The following MITD1 variants were observed in gnomAD, a reference collection of about 807,000 sequenced individuals.
The protein encoded by MITD1 is microtubule interacting and trafficking domain containing 1.
MITD1 carries 24 observed loss-of-function variants against 34.9 expected under a neutral mutation model. The ratio of observed to expected loss-of-function variants is 0.69; its 90% confidence interval spans 0.50 to 0.97. MITD1 has a LOEUF of 0.97. Among genes scored for constraint, MITD1 ranks in the 50% least tolerant of loss-of-function variants. MITD1 has a pLI of 0.00. For synonymous variants in MITD1, 102 were observed against 101.4 expected (o/e 1.01, Z -0.04); for missense variants, 266 against 294.6 (o/e 0.90, Z 0.71).
intron 5 of MITD1, 36 bp downstream of exon 5, chr2:99,170,501 A>G (rs2093850017): frequency 1.2e-6 from 1 of 814,634 alleles, no homozygotes; most frequent in Non-Finnish European, 2.0e-6. Context: ...AGTATATATC[A>G]ACTGCATAAA....
intron 1 of MITD1, among the ~76,000 whole-genome samples, chr2:99,176,340 T>G (rs1193973437): frequency 1.3e-5 from 2 of 151,534 alleles, no homozygotes; most frequent in Non-Finnish European, 3.0e-5. Flanking sequence ...ATAAACTTTT[T>G]TTTTTTTTTT....
exon 8 of MITD1, chr2:99,162,038 A>C (rs778866407): frequency 1.9e-6 from 3 of 1,614,110 alleles, no homozygotes; most frequent in South Asian, 2.2e-5. Flanking sequence ...TTAAAAAAAC[A>C]GTAAAAAATG....
chr2:99,166,252 G>A (rs953399995), downstream of MITD1, among the ~76,000 whole-genome samples: 1 of 151,812 alleles, frequency 6.6e-6, no homozygotes, highest in Admixed American at 6.6e-5. Context: ...TATTTAAAAT[G>A]TAAGAAGAAT....
intron 1 of MITD1, among the ~76,000 whole-genome samples, chr2:99,177,297 T>G (rs1428742235): frequency 6.6e-6 from 1 of 152,206 alleles, no homozygotes; most frequent in African/African-American, 2.4e-5. Context: ...CCATCTTTGA[T>G]TCCCATTAAC....
intron 7 of MITD1, chr2:99,162,380 A>AC: frequency 6.2e-7 from 1 of 1,613,986 alleles, no homozygotes; most frequent in Non-Finnish European, 8.5e-7. Context: ...ATGCTGTCCA[A>AC]CCCCAGCTGG....
At chr2:99,162,886 G>T in intron 7 of MITD1, 1 of 1,612,868 alleles carries the variant, frequency 6.2e-7, no homozygotes, top group Non-Finnish European at 8.5e-7. Context: ...ATTGAAATTT[G>T]TAATATTGAA....
chr2:99,172,434 T>G (rs1213887746), intron 2 of MITD1: 1 of 151,970 alleles, frequency 6.6e-6, no homozygotes, highest in Non-Finnish European at 1.5e-5. Flanking sequence ...TTCAAAGTCT[T>G]TCTTGGCACG....
chr2:99,176,709 T>G (rs764638158), intron 1 of MITD1, among the ~76,000 whole-genome samples: 23 of 152,144 alleles, frequency 1.5e-4, no homozygotes, highest in Non-Finnish European at 2.9e-4. Flanking sequence ...TTTTAGCTCA[T>G]CAGCTGTCGT....
At chr2:99,169,697 T>G in intron 5 of MITD1, 87 bp from the exon 6 acceptor site, 1 of 1,118,600 alleles carries the variant, frequency 8.9e-7, no homozygotes, top group South Asian at 1.4e-5. Context: ...TCAGCAAAAT[T>G]TCCCCCTAAC....
intron 7 of MITD1, chr2:99,162,446 A>G (rs1024010091): frequency 3.1e-6 from 5 of 1,613,918 alleles, no homozygotes; most frequent in African/African-American, 1.3e-5. Flanking sequence ...TTAAAATCTC[A>G]GGAACAGCTT....
downstream of MITD1, among the ~76,000 whole-genome samples, chr2:99,168,946 ATTT>A (rs1175310553): frequency 2.2e-4 from 11 of 49,308 alleles, no homozygotes; most frequent in East Asian, 5.4e-4. Flanking sequence ...TGCCCGGCTA[ATTT>A]TTTTTTTTTT....
chr2:99,177,252 TTAC>T (rs1429887856), intron 1 of MITD1, among the ~76,000 whole-genome samples: 2 of 152,150 alleles, frequency 1.3e-5, no homozygotes, highest in Non-Finnish European at 2.9e-5. Flanking sequence ...CCTTCAATCA[TTAC>T]GCTACAGTTT....
chr2:99,178,531 G>A (rs1337503852), intron 1 of MITD1, among the ~76,000 whole-genome samples: 1 of 152,150 alleles, frequency 6.6e-6, no homozygotes, highest in African/African-American at 2.4e-5. Context: ...GGCAAAACAT[G>A]TATATTAGAT....
At chr2:99,163,157 A>C (rs1172639355) in intron 7 of MITD1, 4 of 987,690 alleles carry the variant, frequency 4.0e-6, no homozygotes, top group South Asian at 2.7e-5. Context: ...TCAAAAAAAA[A>C]CCTAGTCTCT....
At chr2:99,173,278 C>T in intron 2 of MITD1, 4 of 295,700 alleles carry the variant, frequency 1.4e-5, no homozygotes, top group Middle Eastern at 4.3e-4. Flanking sequence ...GGGGCACTGG[C>T]TTTTGAGGGC....
At chr2:99,167,808 G>A (rs2093833509), downstream of MITD1, among the ~76,000 whole-genome samples, 1 of 152,042 alleles carries the variant, frequency 6.6e-6, no homozygotes, top group Non-Finnish European at 1.5e-5. Context: ...ATTAGTTTGA[G>A]TCTAAAATTT....
chr2:99,173,780 C>A, intron 2 of MITD1, 135 bp downstream of exon 2: 1 of 673,626 alleles, frequency 1.5e-6, no homozygotes. Context: ...AGTGGAAATA[C>A]AGATTAAATC....
At position 99,180,989 on chromosome 2, in the gene MITD1, G is replaced by C. The variant is rs2093917208; in HGVS notation, c.-8C>G. 1.2e-6 allele frequency: 2 copies of C among 1,612,164 alleles called. No individual in the cohort carries two copies. The highest frequency in any genetic ancestry group is 2.2e-5 in the South Asian group (2 of 90,786). ...CAGCCCGGACTTCGCCATAATTCTG[G>C]AAGTTCTCCTCCGCCTCAACCCAGG... On this transcript the variant is annotated 5_prime_UTR_variant, in exon 1 of 7. Transcript: ENST00000289359.
intron 7 of MITD1, among the ~76,000 whole-genome samples, chr2:99,163,608 G>A (rs2093813025): frequency 6.6e-6 from 1 of 152,154 alleles, no homozygotes; most frequent in African/African-American, 2.4e-5. Context: ...GATTACAGGT[G>A]TGAGCCACCA....
Sources: allele counts gnomAD v4.1 joint callset (sites outside exome capture counted in the v4.1 genomes callset), GRCh38; gene constraint gnomAD v4.1.1; transcripts MANE v1.5; gene names NCBI Gene and HGNC (gene_info 2026-07-23, HGNC 2026-07-21).